CDH12: variants seen among roughly 807,000 people sequenced by gnomAD.
The protein encoded by CDH12 is cadherin 12.
In CDH12, 41 loss-of-function variants were observed where a neutral mutation model predicts 74.1. The ratio of observed to expected loss-of-function variants is 0.55; its 90% CI spans 0.43 to 0.72. The LOEUF (loss-of-function observed/expected upper bound fraction) is 0.72. Among genes scored for constraint, CDH12 ranks in the 30% least tolerant of loss-of-function variants. CDH12 has a pLI of 0.00. For synonymous variants in CDH12, 399 were observed against 355.0 expected, an observed-to-expected ratio of 1.12 and a Z score of -1.39; for missense variants, 945 against 977.2, an observed-to-expected ratio of 0.97 and a Z score of 0.44.
chr5:22,474,865 T>C (rs1746104041), intron 2 of CDH12, among the ~76,000 whole-genome samples: 1 of 151,992 alleles, frequency 6.6e-6, no homozygotes, highest in African/African-American at 2.4e-5. Context: ...AAATAAAGAA[T>C]CACATAGAAT....
At chr5:21,974,191 A>C (rs532892745) in intron 6 of CDH12, among the ~76,000 whole-genome samples, 2 of 152,208 alleles carry the variant, frequency 1.3e-5, no homozygotes, top group African/African-American at 4.8e-5. Context: ...TGTCAGATTT[A>C]GAAAATATAA....
chr5:22,076,540 T>C (rs1742325487), intron 5 of CDH12, among the ~76,000 whole-genome samples: 1 of 152,122 alleles, frequency 6.6e-6, no homozygotes, highest in South Asian at 2.1e-4. Context: ...ATAACTGATA[T>C]CTATGTTGCA....
chr5:22,220,896 A>T (rs893382431), intron 3 of CDH12, among the ~76,000 whole-genome samples: 3 of 151,648 alleles, frequency 2.0e-5, no homozygotes, highest in African/African-American at 7.3e-5. Flanking sequence ...TTTCTATCAA[A>T]ATGGGTACAA....
intron 1 of CDH12, among the ~76,000 whole-genome samples, chr5:22,789,908 T>C (rs1351716649): frequency 1.3e-5 from 2 of 151,964 alleles, no homozygotes; most frequent in East Asian, 1.9e-4. Flanking sequence ...TTTCTGTCCT[T>C]TTAGTGGCTT....
At position 21,817,036 on chromosome 5, in the gene CDH12, A is replaced by C; in HGVS notation, c.911T>G (p.Ile304Ser). 1 of 1,612,826 alleles carries C rather than the reference A, an allele frequency of 6.2e-7. No homozygotes were observed. The highest frequency in any genetic ancestry group is 8.5e-7 in the Non-Finnish European group (1 of 1,179,198). The change falls in exon 9 of 15, where the codon ATT becomes AGT. Residue 304 changes from isoleucine to serine, a missense_variant. Coordinates refer to ENST00000382254, the MANE Select transcript of CDH12 (RefSeq NM_004061.5). ...ATCTCCTGGAACAATATTGTATTCA[A>C]TTTCTGCATTTTGTCCAAAATCAGG... ...VDPDFGQNAE[I>S]EYNIVPGDGG...
chr5:22,806,569 T>C lies in CDH12; in HGVS notation c.-523+46489A>G, dbSNP rs949283128. 3.7e-4 allele frequency among the ~76,000 whole-genome samples: 56 copies of C among 152,040 alleles called. 1 individual carries two copies. Among genetic ancestry groups the C allele is most frequent in the Admixed American group, 2.8e-3 (42 of 15,260 alleles). On this transcript the variant is annotated intron_variant, in intron 1 of 14. Coordinates refer to ENST00000382254, the MANE Select transcript of CDH12 (RefSeq NM_004061.5). ...CGGGGTTTCACCGTGTTAGCCAGGA[T>C]GGTCTCGATCTCCTGACCTCGTGAT...
In CDH12 at chr5:22,736,326, T is replaced by C. The variant is rs183058312; in HGVS notation, c.-523+116732A>G. ...GTATATAGATGAATGTGTATATATGTATTTTTTTAAGTAATATGAGATAGT... is the reference window on the plus strand; with the variant it reads ...GTATATAGATGAATGTGTATATATGCATTTTTTTAAGTAATATGAGATAGT... On this transcript the variant is annotated intron_variant, in intron 1 of 14. Transcript: ENST00000382254. Among the ~76,000 whole-genome samples, 120 of 151,970 alleles carry C rather than the reference T, an allele frequency of 7.9e-4. No individual in the cohort carries two copies. The East Asian group carries it at 0.022, about 28-fold the overall frequency.
chr5:22,089,554 C>T (rs1743292836), intron 4 of CDH12, among the ~76,000 whole-genome samples: 2 of 151,974 alleles, frequency 1.3e-5, no homozygotes, highest in African/African-American at 4.8e-5. Flanking sequence ...TTTTAAATGC[C>T]ACATGGCAAT....
At chr5:22,541,439 T>C (rs1414706913) in intron 1 of CDH12, among the ~76,000 whole-genome samples, 1 of 152,232 alleles carries the variant, frequency 6.6e-6, no homozygotes. Context: ...CACCATGTTT[T>C]ATCTGAAATT....
intron 1 of CDH12, among the ~76,000 whole-genome samples, chr5:22,561,387 T>C (rs908767393): frequency 1.3e-5 from 2 of 152,156 alleles, no homozygotes; most frequent in African/African-American, 4.8e-5. Context: ...TATTCTAACC[T>C]AACAATTGAT....
intron 3 of CDH12, among the ~76,000 whole-genome samples, chr5:22,276,346 A>G (rs1388985234): frequency 1.3e-5 from 2 of 152,184 alleles, no homozygotes; most frequent in Non-Finnish European, 2.9e-5. Flanking sequence ...GTGTGGAAAA[A>G]TAAATACAAA....
chr5:22,833,436 G>A (rs1015812858), intron 1 of CDH12, among the ~76,000 whole-genome samples: 3 of 152,118 alleles, frequency 2.0e-5, no homozygotes, highest in African/African-American at 4.8e-5. Flanking sequence ...GAATGTTGAT[G>A]TGAAAGTCAT....
intron 4 of CDH12, among the ~76,000 whole-genome samples, chr5:22,105,384 A>C (rs1314698000): frequency 1.3e-5 from 2 of 148,178 alleles, no homozygotes; most frequent in South Asian, 2.3e-4. Flanking sequence ...TGAGCCACCA[A>C]GCCCAGCCTC....
chr5:22,132,663 C>T (rs2150288784), intron 4 of CDH12, among the ~76,000 whole-genome samples: 1 of 152,238 alleles, frequency 6.6e-6, no homozygotes, highest in African/African-American at 2.4e-5. Flanking sequence ...AGGTGGGGTT[C>T]ATACCTGTAG....
At chr5:22,335,518 G>C (rs1739540810) in intron 3 of CDH12, among the ~76,000 whole-genome samples, 1 of 152,028 alleles carries the variant, frequency 6.6e-6, no homozygotes, top group Admixed American at 6.5e-5. Flanking sequence ...CTGGGAGGCA[G>C]AGCTTGCAGT....
chr5:21,826,842 T>C (rs1748701409), intron 8 of CDH12, among the ~76,000 whole-genome samples: 1 of 152,156 alleles, frequency 6.6e-6, no homozygotes, highest in Admixed American at 6.6e-5. Context: ...ATCAAGACTA[T>C]GAGATACCTG....
intron 1 of CDH12, among the ~76,000 whole-genome samples, chr5:22,603,970 T>C (rs958694745): frequency 1.3e-5 from 2 of 152,218 alleles, no homozygotes; most frequent in South Asian, 2.1e-4. Context: ...GAGAGAAGCA[T>C]ATGCAAACAT....
intron 1 of CDH12, among the ~76,000 whole-genome samples, chr5:22,840,312 C>T (rs1173603350): frequency 2.0e-5 from 3 of 151,950 alleles, no homozygotes; most frequent in Admixed American, 6.6e-5. Context: ...TTAGTAGAGA[C>T]GGGGTTTCAC....
At chr5:22,490,115 G>A (rs1323976824) in intron 2 of CDH12, among the ~76,000 whole-genome samples, 1 of 151,784 alleles carries the variant, frequency 6.6e-6, no homozygotes, top group East Asian at 1.9e-4. Flanking sequence ...AATAGCTAGA[G>A]CAATAGTGAC....
Sources: gnomAD v4.1 joint callset for allele counts (sites outside exome capture counted in the v4.1 genomes callset) on GRCh38, gnomAD v4.1.1 for gene constraint, MANE v1.5 for transcripts, NCBI Gene and HGNC (gene_info 2026-07-23, HGNC 2026-07-21) for gene names.